DGKD: variants seen among roughly 807,000 people sequenced by gnomAD.
DGKD encodes the protein DAG kinase delta.
DGKD carries 68 observed loss-of-function variants against 154.4 expected under a neutral mutation model. The observed-to-expected ratio is 0.44, with a 90% CI of 0.36 to 0.54. DGKD has a LOEUF of 0.54. Ranked by LOEUF, DGKD falls within the 20% of genes least tolerant of loss-of-function variation. The pLI, the probability that DGKD is intolerant of heterozygous loss-of-function variation, is 0.00. For missense variants in DGKD, 1,343 were observed against 1,593.6 expected, an observed-to-expected ratio of 0.84 and a Z score of 2.68; for synonymous variants, 693 against 638.0, an observed-to-expected ratio of 1.09 and a Z score of -1.30.
At position 233,470,587 on chromosome 2, in the gene DGKD, A is replaced by C. The variant is rs2063980441; in HGVS notation, c.*1127A>C. 1 of 152,384 alleles carries C rather than the reference A, an allele frequency of 6.6e-6. No homozygotes were observed. The highest frequency in any genetic ancestry group is 1.5e-5 in the Non-Finnish European group (1 of 68,178). The allele number at this position is 152,384 out of a possible 1,614,324, so 9.4% of individuals were successfully genotyped here. The stretch of plus-strand genomic sequence containing the variant: ...CTGAACTAGTAGATGATGGTGCCAG[A>C]GGGCAGGGAGCTCGCCTGGGGAGAG... On this transcript the variant is annotated 3_prime_UTR_variant, in exon 30 of 30. Coordinates refer to ENST00000264057, the MANE Select transcript of DGKD (RefSeq NM_152879.3).
At chr2:233,358,509 C>T (rs1046041064) in intron 1 of DGKD, among the ~76,000 whole-genome samples, 1 of 152,300 alleles carries the variant, frequency 6.6e-6, no homozygotes, top group Admixed American at 6.5e-5. Flanking sequence ...TTAGTATATT[C>T]GCTGTTTTGC....
intron 1 of DGKD, among the ~76,000 whole-genome samples, chr2:233,375,848 T>C (rs182663600): frequency 1.4e-4 from 22 of 152,306 alleles, no homozygotes; most frequent in Non-Finnish European, 2.6e-4. Flanking sequence ...CCTACTTTTC[T>C]CCTGAGCATT....
chr2:233,355,792 G>A (rs183337864), intron 1 of DGKD, among the ~76,000 whole-genome samples: 27 of 152,328 alleles, frequency 1.8e-4, no homozygotes, highest in Admixed American at 8.5e-4. Flanking sequence ...CCTTCTATGT[G>A]CCAGGCACTT....
chr2:233,444,544 C>A (rs2063001464), intron 10 of DGKD, among the ~76,000 whole-genome samples: 1 of 151,216 alleles, frequency 6.6e-6, no homozygotes, highest in Non-Finnish European at 1.5e-5. Context: ...CCTGGAGCAC[C>A]ATCCATGCCT....
intron 3 of DGKD, among the ~76,000 whole-genome samples, chr2:233,429,847 C>A (rs1180631356): frequency 6.6e-6 from 1 of 152,256 alleles, no homozygotes; most frequent in African/African-American, 2.4e-5. Flanking sequence ...TCTTCTCCCA[C>A]CAACCCAGGA....
At chr2:233,398,113 A>G (rs1471604240) in intron 3 of DGKD, among the ~76,000 whole-genome samples, 1 of 107,422 alleles carries the variant, frequency 9.3e-6, no homozygotes, top group African/African-American at 3.7e-5. Context: ...CATACTTTGT[A>G]TTTATCCTGG....
chr2:233,365,172 A>G (rs1396874539), intron 1 of DGKD, among the ~76,000 whole-genome samples: 2 of 152,218 alleles, frequency 1.3e-5, no homozygotes, highest in African/African-American at 4.8e-5. Context: ...TACATGCTGT[A>G]TACATCAAGT....
chr2:233,358,197 G>T (rs1701616298), intron 1 of DGKD, among the ~76,000 whole-genome samples: 1 of 152,226 alleles, frequency 6.6e-6, no homozygotes, highest in Admixed American at 6.5e-5. Context: ...CTAACACTCC[G>T]ACCAGCACAT....
intron 1 of DGKD, among the ~76,000 whole-genome samples, chr2:233,375,954 A>G (rs1360800574): frequency 6.6e-6 from 1 of 152,176 alleles, no homozygotes; most frequent in Admixed American, 6.5e-5. Flanking sequence ...TCACTGTAGT[A>G]TTGCAAGCCA....
chr2:233,365,994 G>T (rs1247996282), intron 1 of DGKD, among the ~76,000 whole-genome samples: 1 of 152,080 alleles, frequency 6.6e-6, no homozygotes, highest in Non-Finnish European at 1.5e-5. Context: ...TTTTTTAAAG[G>T]ATTTATAGAA....
rs544427245 is a variant in DGKD at position 233,447,381 on chromosome 2, G to C, written c.1419+585G>C. Reference sequence around the variant, plus strand: ...ATTTTGTGCTGGTGCAGTGCTGGGTGGGGTAGTACAAAGAGGTGAGCTTTT... The same window carrying C: ...ATTTTGTGCTGGTGCAGTGCTGGGTCGGGTAGTACAAAGAGGTGAGCTTTT... On this transcript the variant is annotated intron_variant, in intron 12 of 29. Transcript: ENST00000264057. The C allele has an allele frequency of 3.7e-4, 235 of 629,684 alleles. 2 individuals are homozygous for C. The African/African-American group carries it at 4.3e-3, about 11-fold the overall frequency. The allele number at this position is 629,684 out of a possible 1,614,324, so 39.0% of individuals were successfully genotyped here.
chr2:233,433,123 G>A (rs1024776202), intron 3 of DGKD, among the ~76,000 whole-genome samples: 20 of 152,184 alleles, frequency 1.3e-4, no homozygotes, highest in African/African-American at 3.6e-4. Flanking sequence ...TCAGTGTATC[G>A]AAGAGATGTC....
At chr2:233,366,959 C>G (rs578118403) in intron 1 of DGKD, among the ~76,000 whole-genome samples, 1 of 152,180 alleles carries the variant, frequency 6.6e-6, no homozygotes, top group East Asian at 1.9e-4. Flanking sequence ...AGGATATTTT[C>G]TTATATAACA....
At chr2:233,376,237 C>T (rs536802043) in intron 1 of DGKD, among the ~76,000 whole-genome samples, 1 of 152,170 alleles carries the variant, frequency 6.6e-6, no homozygotes, top group Non-Finnish European at 1.5e-5. Flanking sequence ...ATAATTTAGT[C>T]TGAACTTGTA....
At chr2:233,377,267 A>G (rs1702628396) in intron 1 of DGKD, among the ~76,000 whole-genome samples, 1 of 152,048 alleles carries the variant, frequency 6.6e-6, no homozygotes, top group Non-Finnish European at 1.5e-5. Context: ...TATTTTTAGT[A>G]GAGACGGAGT....
intron 3 of DGKD, among the ~76,000 whole-genome samples, chr2:233,391,185 T>C (rs1356525390): frequency 6.6e-6 from 1 of 151,604 alleles, no homozygotes; most frequent in Admixed American, 6.6e-5. Context: ...GTGTATTTCT[T>C]TTTTTTTTCC....
chr2:233,435,465 A>G (rs1399932892), intron 5 of DGKD, among the ~76,000 whole-genome samples: 1 of 152,212 alleles, frequency 6.6e-6, no homozygotes, highest in African/African-American at 2.4e-5. Context: ...TGACACATGA[A>G]AATTACATGA....
rs199985859 is a variant in DGKD, at chr2:233,434,428, G to A, written c.397G>A (p.Glu133Lys). ...KLILCADNRK[E>K]MEDWIAALKT... ...CATCTTGTGTGCTGATAACAGAAAA[G>A]AAATGGAAGATTGGATTGCAGCATT... is the stretch of plus-strand genomic sequence containing the variant. The change falls in exon 4 of 30, where the codon GAA (glutamate) becomes AAA (lysine). Residue 133 changes from glutamate to lysine, a missense_variant. Around this residue, in one of 6 missense-constraint regions of DGKD, gnomAD observed 332 missense variants for 400.1 expected, o/e 0.83. Coordinates refer to ENST00000264057, the MANE Select transcript of DGKD (RefSeq NM_152879.3). 1 of 1,614,166 alleles carries A rather than the reference G, an allele frequency of 6.2e-7. No individual in the cohort carries two copies. Among genetic ancestry groups the A allele is most frequent in the East Asian group, 2.2e-5 (1 of 44,884 alleles).
At chr2:233,390,067 G>C (rs888249921) in intron 2 of DGKD, among the ~76,000 whole-genome samples, 1 of 152,214 alleles carries the variant, frequency 6.6e-6, no homozygotes, top group African/African-American at 2.4e-5. Context: ...ACATGTAAAA[G>C]TGAATACTGG....
Sources: gnomAD v4.1 joint callset for allele counts (sites outside exome capture counted in the v4.1 genomes callset) on GRCh38, gnomAD v4.1.1 for gene constraint, gnomAD v4.1.1 regional missense constraint, MANE v1.5 for transcripts, NCBI Gene and HGNC (gene_info 2026-07-23, HGNC 2026-07-21) for gene names.